The following DMTN variants were observed in gnomAD, a reference collection of about 807,000 sequenced individuals.
The protein encoded by DMTN is dematin actin binding protein, also known as dematin.
DMTN carries 27 observed loss-of-function variants against 59.4 expected under a neutral mutation model. That is an observed-to-expected ratio of 0.45 (90% confidence interval 0.33 to 0.63). The LOEUF (loss-of-function observed/expected upper bound fraction) is 0.63, where lower values mean the gene tolerates loss of function less well. Among genes scored for constraint, DMTN ranks in the 20% least tolerant of loss-of-function variants. DMTN has a pLI of 0.02. For synonymous variants in DMTN, 221 were observed against 203.7 expected, an observed-to-expected ratio of 1.08 and a Z score of -0.72; for missense variants, 451 against 528.9, an observed-to-expected ratio of 0.85 and a Z score of 1.45.
upstream of DMTN, among the ~76,000 whole-genome samples, chr8:22,052,056 G>T (rs989816880): frequency 4.6e-5 from 7 of 151,578 alleles, no homozygotes; most frequent in African/African-American, 1.7e-4. Context: ...GGCGTGTCCT[G>T]CTCTAGCACA....
chr8:22,054,464 G>A (rs556789211), upstream of DMTN, among the ~76,000 whole-genome samples: 69 of 152,222 alleles, frequency 4.5e-4, no homozygotes, highest in South Asian at 8.3e-4. Flanking sequence ...CCGCAGCCGC[G>A]TGCCCAGTGC....
At chr8:22,067,975 C>A (rs571255594) in intron 4 of DMTN, among the ~76,000 whole-genome samples, 1 of 152,162 alleles carries the variant, frequency 6.6e-6, no homozygotes, top group African/African-American at 2.4e-5. Flanking sequence ...GCATTGAGAG[C>A]GGGGGCTGAA....
chr8:22,072,567 G>T (rs1475441402), intron 9 of DMTN, 117 bp downstream of exon 9: 3 of 1,061,430 alleles, frequency 2.8e-6, no homozygotes, highest in Non-Finnish European at 3.8e-6. Flanking sequence ...AGGTTCAAGT[G>T]ATTCTCCTGC....
upstream of DMTN, among the ~76,000 whole-genome samples, chr8:22,054,403 A>C (rs1028141140): frequency 2.0e-5 from 3 of 152,014 alleles, no homozygotes; most frequent in African/African-American, 2.4e-5. Context: ...GGAATGAGAG[A>C]GGGTTTGGGA....
At chr8:22,069,254 G>A in intron 5 of DMTN, 165 bp from the exon 6 acceptor site, 1 of 848,208 alleles carries the variant, frequency 1.2e-6, no homozygotes, top group Non-Finnish European at 1.8e-6. Context: ...CCCTGGGCCA[G>A]GCACCATCAG....
chr8:22,071,722 G>A (rs1471120181), intron 8 of DMTN, among the ~76,000 whole-genome samples: 2 of 152,036 alleles, frequency 1.3e-5, no homozygotes, highest in African/African-American at 4.8e-5. Context: ...TGGGACTACA[G>A]GCGCCCGCCA....
chr8:22,049,122 C>G (rs1052179260), upstream of DMTN: 1 of 150,252 alleles, frequency 6.7e-6, no homozygotes, highest in African/African-American at 2.4e-5. Context: ...GGCCCCAGGC[C>G]CCAGGCCCGA....
intron 1 of DMTN, among the ~76,000 whole-genome samples, chr8:22,065,757 C>A (rs1194000539): frequency 2.7e-5 from 4 of 150,634 alleles, no homozygotes; most frequent in Non-Finnish European, 4.4e-5. Flanking sequence ...ATCGCTTGAA[C>A]CTGGGAGGCG....
chr8:22,079,095 G>C (rs73223797), intron 10 of DMTN, among the ~76,000 whole-genome samples: 1 of 150,922 alleles, frequency 6.6e-6, no homozygotes, highest in African/African-American at 2.4e-5. Context: ...ACTGTGCCCA[G>C]CCTAATGTCA....
Position 22,082,459 on chromosome 8 carries a change from C to CTG in DMTN, c.*1005_*1006dup. On this transcript the variant is annotated 3_prime_UTR_variant, in exon 16 of 16. Transcript: ENST00000358242. Reference sequence around the variant, plus strand: ...GCCCAGACCCTGACATCCCTTTCCACTGTGTGTGTGACCATGCTGGGGGAG... The same window carrying CTG: ...GCCCAGACCCTGACATCCCTTTCCACTGTGTGTGTGTGACCATGCTGGGGGAG... 1 of 339,888 alleles carries CTG rather than the reference C, an allele frequency of 2.9e-6. No individual in the cohort carries two copies. The highest frequency in any genetic ancestry group is 5.1e-4 in the Middle Eastern group (1 of 1,954). 21.1% of individuals were successfully genotyped at this position (339,888 alleles called of 1,614,324 possible).
chr8:22,068,616 G>A (rs1016329137), intron 4 of DMTN, among the ~76,000 whole-genome samples: 1 of 151,642 alleles, frequency 6.6e-6, no homozygotes, highest in Non-Finnish European at 1.5e-5. Context: ...CAAGAGAGAA[G>A]AAAGTGGAGA....
chr8:22,052,983 C>A (rs1215415129), upstream of DMTN, among the ~76,000 whole-genome samples: 1 of 152,170 alleles, frequency 6.6e-6, no homozygotes, highest in Non-Finnish European at 1.5e-5. Flanking sequence ...GGAGAGAGCA[C>A]AGGCCAGGGT....
At chr8:22,049,178 C>A (rs1271739755), upstream of DMTN, 1 of 149,330 alleles carries the variant, frequency 6.7e-6, no homozygotes, top group Non-Finnish European at 1.5e-5. Context: ...CCGGGCGGCC[C>A]GCGGACGCCA....
At chr8:22,074,313 G>T (rs1359872025) in intron 10 of DMTN, among the ~76,000 whole-genome samples, 2 of 152,120 alleles carry the variant, frequency 1.3e-5, no homozygotes, top group East Asian at 1.9e-4. Context: ...TTGCTCTGTT[G>T]CCCAGGCTGG....
chr8:22,062,415 C>G (rs991940460), intron 1 of DMTN, among the ~76,000 whole-genome samples: 6 of 152,232 alleles, frequency 3.9e-5, no homozygotes, highest in South Asian at 4.1e-4. Context: ...TTCCGGGGAG[C>G]CTTTCTTCCC....
chr8:22,069,099 C>T (rs751244205), intron 5 of DMTN, 39 bp downstream of exon 5: 2 of 1,598,314 alleles, frequency 1.3e-6, no homozygotes, highest in East Asian at 2.3e-5. Context: ...CCTGCCCTGC[C>T]CTGAAGGGGA....
At chr8:22,067,255 A>T in intron 3 of DMTN, 96 bp downstream of exon 3, 1 of 1,387,314 alleles carries the variant, frequency 7.2e-7, no homozygotes, top group Non-Finnish European at 9.9e-7. Context: ...GAGCCTCCCC[A>T]GTGGTGGTCC....
At chr8:22,069,228 G>T in intron 5 of DMTN, 168 bp downstream of exon 5, 1 of 913,474 alleles carries the variant, frequency 1.1e-6, no homozygotes, top group African/African-American at 1.7e-5. Context: ...TCGGACCCAG[G>T]ACCTCAACCC....
chr8:22,074,013 A>G (rs1371886463), intron 10 of DMTN, among the ~76,000 whole-genome samples, 178 bp downstream of exon 10: 1 of 152,260 alleles, frequency 6.6e-6, no homozygotes, highest in African/African-American at 2.4e-5. Context: ...AGAATCGGCT[A>G]AAATAGAATT....
Sources: allele counts gnomAD v4.1 joint callset (sites outside exome capture counted in the v4.1 genomes callset), GRCh38; gene constraint gnomAD v4.1.1; transcripts MANE v1.5; gene names NCBI Gene and HGNC (gene_info 2026-07-23, HGNC 2026-07-21).